Variants in GABPB1 observed in about 807,000 individuals in gnomAD.
GABPB1 encodes the protein GA-binding protein subunit beta-1.
In GABPB1, 15 loss-of-function variants were observed where a neutral mutation model predicts 45.9. That is an observed-to-expected ratio of 0.33 (90% confidence interval 0.22 to 0.50). GABPB1 has a LOEUF of 0.50. Ranked by LOEUF, GABPB1 falls within the 20% of genes least tolerant of loss-of-function variation. The pLI is 0.98. For missense variants in GABPB1, 252 were observed against 457.5 expected, an observed-to-expected ratio of 0.55 and a Z score of 4.10; for synonymous variants, 143 against 154.4, an observed-to-expected ratio of 0.93 and a Z score of 0.55.
At chr15:50,329,916 T>C (rs1264751891) in intron 1 of GABPB1, among the ~76,000 whole-genome samples, 4 of 151,862 alleles carry the variant, frequency 2.6e-5, no homozygotes, top group African/African-American at 9.7e-5. Context: ...CTTTTTTTTT[T>C]TTTCCCTGAA....
chr15:50,326,286 G>A (rs1466959211), intron 1 of GABPB1, among the ~76,000 whole-genome samples: 1 of 152,128 alleles, frequency 6.6e-6, no homozygotes, highest in African/African-American at 2.4e-5. Context: ...AGCCAAGGTG[G>A]GAAGATCGTT....
At chr15:50,301,434 A>C in intron 4 of GABPB1, 66 bp from the exon 5 acceptor site, 1 of 1,375,650 alleles carries the variant, frequency 7.3e-7, no homozygotes, top group South Asian at 1.3e-5. Context: ...AATTCTCCAT[A>C]TAATACAAAC....
intron 8 of GABPB1, among the ~76,000 whole-genome samples, chr15:50,279,084 A>T (rs1009726403): frequency 5.3e-5 from 8 of 152,220 alleles, no homozygotes; most frequent in African/African-American, 1.4e-4. Flanking sequence ...TGTACTACAA[A>T]AACTAGTGAA....
At chr15:50,313,709 G>C (rs898728587) in intron 1 of GABPB1, among the ~76,000 whole-genome samples, 8 of 151,922 alleles carry the variant, frequency 5.3e-5, no homozygotes, top group Non-Finnish European at 7.4e-5. Context: ...ATTATGAAAA[G>C]ATATAAATCT....
chr15:50,285,921 T>A, intron 8 of GABPB1, 147 bp downstream of exon 8: 1 of 1,425,830 alleles, frequency 7.0e-7, no homozygotes, highest in Non-Finnish European at 9.1e-7. Context: ...TTGCTATATG[T>A]ATAAGGCAAA....
intron 1 of GABPB1, chr15:50,349,607 T>A (rs1239234353): frequency 6.6e-6 from 1 of 152,142 alleles, no homozygotes; most frequent in Non-Finnish European, 1.5e-5. Context: ...TTGATTATGG[T>A]AGGGTGGTAG....
intron 2 of GABPB1, 147 bp downstream of exon 2, chr15:50,309,544 G>A (rs2047059019): frequency 1.8e-6 from 1 of 564,958 alleles, no homozygotes; most frequent in African/African-American, 1.9e-5. Flanking sequence ...ACTTCTTTTA[G>A]GACAGTTATA....
At position 50,289,780 on chromosome 15, in the gene GABPB1, T is replaced by A. The variant is rs547797230; in HGVS notation, c.698-112A>T. ...CTATGCTTCTTTCTTTTCTTTTTTC[T>A]TTTTTAAATAGAGATAGGGTCTCAC... On this transcript the variant is annotated intron_variant, in intron 6 of 8. Transcript: ENST00000380877. 8 of 697,942 alleles carry A rather than the reference T, an allele frequency of 1.1e-5. No individual in the cohort carries two copies. The African/African-American group carries it at 2.0e-4, about 17-fold the overall frequency. 43.2% of individuals were successfully genotyped at this position (697,942 alleles called of 1,614,324 possible). A position where few individuals can be genotyped will look rare whatever the true frequency, so the allele number is the denominator to read the frequency against.
rs1234277913 is a variant in GABPB1, at chr15:50,275,806, C to T, written c.*2826G>A. The stretch of plus-strand genomic sequence containing the variant: ...ATTAAGATATAAATAAAATAAATAA[C>T]AATAAATGAAAATTAGTTGAGAAGC... On this transcript the variant is annotated 3_prime_UTR_variant, in exon 9 of 9. Coordinates refer to ENST00000380877, the MANE Select transcript of GABPB1 (RefSeq NM_016654.5). The T allele has an allele frequency of 5.3e-5, 8 of 152,128 alleles. No individual in the cohort carries two copies. 9.4% of individuals were successfully genotyped at this position (152,128 alleles called of 1,614,324 possible).
intron 8 of GABPB1, among the ~76,000 whole-genome samples, chr15:50,280,905 T>C (rs2045951135): frequency 6.6e-6 from 1 of 152,208 alleles, no homozygotes. Flanking sequence ...TAGTATTACC[T>C]ATTTATTAAC....
At chr15:50,339,035 T>G (rs12913144) in intron 1 of GABPB1, among the ~76,000 whole-genome samples, 99,020 of 151,812 alleles carry the variant, frequency 0.65, 33,609 homozygotes, top group African/African-American at 0.83. Flanking sequence ...GGTTGTGGTG[T>G]TTCCCACCTG....
chr15:50,341,275 T>TTTGG (rs2048367097), intron 1 of GABPB1, among the ~76,000 whole-genome samples: 2 of 152,270 alleles, frequency 1.3e-5, no homozygotes, highest in East Asian at 3.9e-4. Context: ...GGCTCACACC[T>TTTGG]GTAATCCCAG....
At chr15:50,282,048 A>C (rs1194177274) in intron 8 of GABPB1, among the ~76,000 whole-genome samples, 2 of 151,982 alleles carry the variant, frequency 1.3e-5, no homozygotes, top group Non-Finnish European at 2.9e-5. Flanking sequence ...AAATACAAAA[A>C]TTGGCTGGGC....
chr15:50,330,593 C>G (rs2047915700), intron 1 of GABPB1, among the ~76,000 whole-genome samples: 1 of 149,090 alleles, frequency 6.7e-6, no homozygotes, highest in South Asian at 2.1e-4. Flanking sequence ...TACACACTTA[C>G]CTTATTCCAG....
rs576135875 is a variant in GABPB1, at chr15:50,320,254, G to A, written c.1-10456C>T. Among the ~76,000 whole-genome samples the A allele has an allele frequency of 5.9e-5, 9 of 152,192 alleles. No individual in the cohort carries two copies. In the South Asian group the frequency reaches 1.2e-3, roughly 21 times the overall value. ...ACAATCTTGGCTCACTGCAACCTCC[G>A]CCTCCCTGGTTCAAGCAATTCTTCT... is the stretch of plus-strand genomic sequence containing the variant. On this transcript the variant is annotated intron_variant, in intron 1 of 8. Transcript: ENST00000380877.
At chr15:50,354,813 C>T (rs919040373) in intron 1 of GABPB1, 172 bp downstream of exon 1, 2 of 227,300 alleles carry the variant, frequency 8.8e-6, no homozygotes, top group East Asian at 1.8e-4. Flanking sequence ...ACCCCGCCGA[C>T]CCCCGCGGAA....
intron 1 of GABPB1, among the ~76,000 whole-genome samples, chr15:50,324,078 C>G (rs2141102902): frequency 6.6e-6 from 1 of 152,084 alleles, no homozygotes; most frequent in Non-Finnish European, 1.5e-5. Context: ...TGGCACACAC[C>G]TGTGGTCCCA....
At chr15:50,354,304 C>G (rs1386051505) in intron 1 of GABPB1, 3 of 446,094 alleles carry the variant, frequency 6.7e-6, no homozygotes, top group Admixed American at 4.8e-5. Flanking sequence ...GCAGGCTTCT[C>G]CCCCTCAGGA....
intron 1 of GABPB1, among the ~76,000 whole-genome samples, chr15:50,335,241 A>G (rs2048078813): frequency 6.6e-6 from 1 of 152,174 alleles, no homozygotes; most frequent in African/African-American, 2.4e-5. Flanking sequence ...ATTGGGAGGT[A>G]GGTGATGAAA....
Sources: gnomAD v4.1 joint callset for allele counts (sites outside exome capture counted in the v4.1 genomes callset) on GRCh38, gnomAD v4.1.1 for gene constraint, MANE v1.5 for transcripts, NCBI Gene and HGNC (gene_info 2026-07-23, HGNC 2026-07-21) for gene names.